ADAMTS17: variants seen among roughly 807,000 people sequenced by gnomAD.
The protein encoded by ADAMTS17 is A disintegrin and metalloproteinase with thrombospondin motifs 17.
ADAMTS17 carries 113 observed loss-of-function variants against 141.5 expected under a neutral mutation model. The observed-to-expected ratio is 0.80, with a 90% confidence interval of 0.69 to 0.93. The LOEUF is 0.93. ADAMTS17 is among the 40% of genes least tolerant of loss of function. The probability of loss-of-function intolerance (pLI) is 0.00; values close to 1 mark genes in which losing one functional copy is unlikely to be tolerated. For synonymous variants in ADAMTS17, 768 were observed against 630.6 expected, an observed-to-expected ratio of 1.22 and a Z score of -3.27; for missense variants, 1,659 against 1,517.9, an observed-to-expected ratio of 1.09 and a Z score of -1.54.
Position 100,341,274 on chromosome 15 carries a change from G to C in ADAMTS17, c.215C>G (p.Pro72Arg). 8.5e-6 allele frequency: 10 copies of C among 1,177,134 alleles called. No individual in the cohort carries two copies. The highest frequency in any genetic ancestry group is 3.8e-5 in the South Asian group (1 of 26,654). The allele number at this position is 1,177,134 out of a possible 1,614,324, so 72.9% of individuals were successfully genotyped here. The change falls in exon 2 of 22, where the codon CCG (proline) becomes CGG (arginine). Residue 72 changes from proline (P) to arginine (R), a missense_variant. Physicochemically the swap from Pro to Arg is moderately radical, Grantham distance 103. Coordinates refer to ENST00000268070, the MANE Select transcript of ADAMTS17 (RefSeq NM_139057.4). Reference sequence around the variant, plus strand: ...GGCGCGCTCTCCGGGCCGGGCGCGCGGGGCGGCTGGGGGCGTGCGGGGGCG... The same window carrying C: ...GGCGCGCTCTCCGGGCCGGGCGCGCCGGGCGGCTGGGGGCGTGCGGGGGCG... ...RRRPRTPPAA[P>R]RARPGERALL...
At chr15:100,292,014 C>T (rs2044639585) in intron 3 of ADAMTS17, among the ~76,000 whole-genome samples, 3 of 152,372 alleles carry the variant, frequency 2.0e-5, no homozygotes, top group East Asian at 3.9e-4. Flanking sequence ...TTATGAGACA[C>T]TCACCCCGTG....
chr15:100,243,558 G>A (rs932283463), intron 7 of ADAMTS17, among the ~76,000 whole-genome samples: 1 of 152,182 alleles, frequency 6.6e-6, no homozygotes, highest in Non-Finnish European at 1.5e-5. Flanking sequence ...GGGAGGCCAA[G>A]GAGGGTGGAT....
chr15:100,310,318 C>T (rs1318389927), intron 3 of ADAMTS17, among the ~76,000 whole-genome samples: 2 of 152,202 alleles, frequency 1.3e-5, no homozygotes, highest in Non-Finnish European at 1.5e-5. Context: ...AAAGCATCCC[C>T]CAAAAGCACA....
At chr15:100,116,439 A>G (rs542026061) in intron 13 of ADAMTS17, among the ~76,000 whole-genome samples, 6 of 152,360 alleles carry the variant, frequency 3.9e-5, no homozygotes, top group Non-Finnish European at 8.8e-5. Context: ...ATAAACCAAG[A>G]GAAGCAATAC....
At chr15:100,182,710 G>A (rs1044565077) in intron 8 of ADAMTS17, among the ~76,000 whole-genome samples, 1 of 152,174 alleles carries the variant, frequency 6.6e-6, no homozygotes, top group Non-Finnish European at 1.5e-5. Context: ...TTACTGTGGG[G>A]TGGTGGCAGG....
intron 20 of ADAMTS17, chr15:99,976,712 G>A (rs976315385): frequency 1.8e-5 from 4 of 218,944 alleles, no homozygotes; most frequent in African/African-American, 6.9e-5. Flanking sequence ...AGAGGATACC[G>A]TGGTCTGTAA....
intron 19 of ADAMTS17, among the ~76,000 whole-genome samples, chr15:99,996,395 AGG>A (rs1322554674): frequency 6.6e-6 from 1 of 152,184 alleles, no homozygotes; most frequent in Non-Finnish European, 1.5e-5. Flanking sequence ...CCTTCCAGCA[AGG>A]GGCCAAAAAA....
At chr15:100,246,535 A>G (rs1253309655) in intron 7 of ADAMTS17, among the ~76,000 whole-genome samples, 1 of 152,226 alleles carries the variant, frequency 6.6e-6, no homozygotes, top group South Asian at 2.1e-4. Flanking sequence ...GGAACAACGA[A>G]TATGTAATTA....
intron 3 of ADAMTS17, among the ~76,000 whole-genome samples, chr15:100,329,585 A>C (rs899105056): frequency 2.0e-5 from 3 of 151,708 alleles, no homozygotes; most frequent in Admixed American, 2.0e-4. Context: ...TGTCAGACCA[A>C]AGACCCTGTT....
chr15:100,199,337 C>T lies in ADAMTS17; in HGVS notation c.1162G>A (p.Ala388Thr), dbSNP rs547549203. Residue 388 changes from alanine to threonine, a missense_variant, in exon 8 of 22, where the codon GCC (alanine) becomes ACC (threonine). Coordinates refer to ENST00000268070, the MANE Select transcript of ADAMTS17 (RefSeq NM_139057.4). ...ACTTACTTGTGGCCCAGCTCATGGG[C>T]GATGGTAAAGGCCAAATTGAGACCA... ...DNGLNLAFTI[A>T]HELGHNLGMN... 31 of 1,614,124 alleles carry T rather than the reference C, an allele frequency of 1.9e-5. No homozygotes were observed. The South Asian group carries it at 2.1e-4, about 11-fold the overall frequency.
intron 18 of ADAMTS17, among the ~76,000 whole-genome samples, chr15:100,011,697 T>C (rs1481300315): frequency 6.6e-6 from 1 of 152,190 alleles, no homozygotes; most frequent in Non-Finnish European, 1.5e-5. Flanking sequence ...CAGTCTCCAA[T>C]CTCACTCAGG....
chr15:100,241,751 A>G (rs1456600052), intron 7 of ADAMTS17, among the ~76,000 whole-genome samples: 1 of 152,116 alleles, frequency 6.6e-6, no homozygotes. Context: ...AGCCTTTCCT[A>G]ACCATGATTC....
At chr15:100,067,388 A>C (rs1435945363) in intron 15 of ADAMTS17, among the ~76,000 whole-genome samples, 1 of 152,260 alleles carries the variant, frequency 6.6e-6, no homozygotes, top group Non-Finnish European at 1.5e-5. Context: ...CTGTCTCAGC[A>C]ATATTCCTTG....
chr15:100,000,860 A>G (rs553113253), intron 18 of ADAMTS17, among the ~76,000 whole-genome samples: 27 of 152,332 alleles, frequency 1.8e-4, no homozygotes, highest in Middle Eastern at 3.4e-3. Context: ...AAAATACAGA[A>G]GAGACATAGT....
intron 18 of ADAMTS17, among the ~76,000 whole-genome samples, chr15:100,015,485 G>A (rs1231326748): frequency 6.6e-6 from 1 of 152,102 alleles, no homozygotes; most frequent in Non-Finnish European, 1.5e-5. Context: ...CTTTAAAGAG[G>A]TTCTGTTTTG....
At chr15:100,020,969 C>T (rs1045996657) in intron 18 of ADAMTS17, among the ~76,000 whole-genome samples, 1 of 152,128 alleles carries the variant, frequency 6.6e-6, no homozygotes, top group African/African-American at 2.4e-5. Flanking sequence ...CGCTGTTCTC[C>T]CCTCCACTTC....
chr15:99,976,763 C>T (rs12441080), intron 20 of ADAMTS17, among the ~76,000 whole-genome samples: 97,018 of 152,004 alleles, frequency 0.64, 31,164 homozygotes, highest in Non-Finnish European at 0.66. Flanking sequence ...TTGTTAGCAC[C>T]TTGATTCTGA....
At chr15:100,280,867 T>C (rs989054717) in intron 4 of ADAMTS17, among the ~76,000 whole-genome samples, 1 of 152,168 alleles carries the variant, frequency 6.6e-6, no homozygotes, top group African/African-American at 2.4e-5. Flanking sequence ...AGGTTGGAAT[T>C]TGTTCCCCCC....
chr15:100,079,488 T>C (rs905277310), intron 15 of ADAMTS17, among the ~76,000 whole-genome samples: 2 of 152,192 alleles, frequency 1.3e-5, no homozygotes, highest in African/African-American at 4.8e-5. Context: ...AATGTCCAGA[T>C]AGGCAAATTT....
Sources: gnomAD v4.1 joint callset for allele counts (sites outside exome capture counted in the v4.1 genomes callset) on GRCh38, gnomAD v4.1.1 for gene constraint, MANE v1.5 for transcripts, NCBI Gene and HGNC (gene_info 2026-07-23, HGNC 2026-07-21) for gene names.